NCOA2: variants seen among roughly 807,000 people sequenced by gnomAD.
NCOA2 encodes class E basic helix-loop-helix protein 75.
In NCOA2, 21 loss-of-function variants were observed where a neutral mutation model predicts 145.1. That is an observed-to-expected ratio of 0.14 (90% CI 0.10 to 0.21). The LOEUF is 0.21. Ranked by LOEUF, NCOA2 falls within the 10% of genes least tolerant of loss-of-function variation. NCOA2 has a pLI of 1.00. For synonymous variants in NCOA2, 619 were observed against 637.5 expected (o/e 0.97, Z 0.44); for missense variants, 1,472 against 1,837.6 (o/e 0.80, Z 3.64).
At chr8:70,165,627 T>C (rs976427053) in intron 7 of NCOA2, among the ~76,000 whole-genome samples, 1 of 152,176 alleles carries the variant, frequency 6.6e-6, no homozygotes, top group African/African-American at 2.4e-5. Flanking sequence ...GAATGCTACA[T>C]CAGCACATCT....
intron 2 of NCOA2, chr8:70,273,505 C>T (rs1447927852): frequency 1.5e-6 from 1 of 670,006 alleles, no homozygotes; most frequent in Non-Finnish European, 2.6e-6. Context: ...GTCAGTTCTC[C>T]TTAAAGAAGT....
the NCOA2 span, among the ~76,000 whole-genome samples, chr8:70,420,825 A>G: frequency 6.6e-6 from 1 of 151,996 alleles, no homozygotes; most frequent in Non-Finnish European, 1.5e-5. Context: ...TTGTATTTTT[A>G]GTAGAGACGG....
intron 2 of NCOA2, among the ~76,000 whole-genome samples, chr8:70,285,316 T>C (rs1214898392): frequency 6.6e-6 from 1 of 152,208 alleles, no homozygotes; most frequent in East Asian, 1.9e-4. Context: ...TACTATGTAG[T>C]TAGACAAGGT....
At chr8:70,197,835 AGT>A (rs1491413053) in intron 4 of NCOA2, among the ~76,000 whole-genome samples, 1 of 100,682 alleles carries the variant, frequency 9.9e-6, no homozygotes, top group South Asian at 2.8e-4. Context: ...TTTCTCTAAA[AGT>A]TTTTTTTTTT....
intron 2 of NCOA2, among the ~76,000 whole-genome samples, chr8:70,260,616 T>C (rs917483993): frequency 9.2e-5 from 14 of 152,186 alleles, no homozygotes; most frequent in African/African-American, 3.4e-4. Flanking sequence ...AATTAACTGT[T>C]CAACTTCTAG....
At chr8:70,363,079 T>TAAAACAAAA (rs1387666196) in intron 1 of NCOA2, among the ~76,000 whole-genome samples, 5 of 99,808 alleles carry the variant, frequency 5.0e-5, no homozygotes, top group Non-Finnish European at 8.0e-5. Flanking sequence ...ACTCTGTCTT[T>TAAAACAAAA]AAAAAAAAAA....
At chr8:70,317,012 GT>G (rs1421666545) in intron 1 of NCOA2, among the ~76,000 whole-genome samples, 1 of 152,150 alleles carries the variant, frequency 6.6e-6, no homozygotes, top group East Asian at 1.9e-4. Context: ...CCCCTGGATA[GT>G]TTTGGCTTTT....
chr8:70,184,211 C>G (rs906028467), intron 4 of NCOA2, among the ~76,000 whole-genome samples: 5 of 152,198 alleles, frequency 3.3e-5, no homozygotes, highest in Admixed American at 6.5e-5. Flanking sequence ...AAGGCTTTCT[C>G]TACACCTGAG....
chr8:70,154,160 T>G (rs1476061708), intron 11 of NCOA2, among the ~76,000 whole-genome samples: 1 of 152,192 alleles, frequency 6.6e-6, no homozygotes, highest in Non-Finnish European at 1.5e-5. Flanking sequence ...CTCCATCCAT[T>G]GAAGACACTG....
intron 1 of NCOA2, among the ~76,000 whole-genome samples, chr8:70,316,648 A>C (rs1162221469): frequency 1.3e-5 from 2 of 152,122 alleles, no homozygotes; most frequent in African/African-American, 4.8e-5. Flanking sequence ...TCAAGGTAGG[A>C]GATAGATCCC....
At chr8:70,210,713 C>T (rs1353529096) in intron 4 of NCOA2, among the ~76,000 whole-genome samples, 1 of 151,744 alleles carries the variant, frequency 6.6e-6, no homozygotes, top group East Asian at 1.9e-4. Context: ...GGGAAAGAGC[C>T]CTCCATGCCT....
At chr8:70,167,421 A>G (rs940734020) in intron 6 of NCOA2, among the ~76,000 whole-genome samples, 27 of 152,140 alleles carry the variant, frequency 1.8e-4, no homozygotes, top group African/African-American at 6.0e-4. Context: ...CTGACATATC[A>G]GGTTGCCTCA....
At chr8:70,154,309 G>A (rs1163892047) in intron 11 of NCOA2, among the ~76,000 whole-genome samples, 1 of 152,202 alleles carries the variant, frequency 6.6e-6, no homozygotes, top group Non-Finnish European at 1.5e-5. Flanking sequence ...CATATTCAGG[G>A]ACTAGAGAAA....
chr8:70,133,626 T>C (rs1465986429), intron 15 of NCOA2, among the ~76,000 whole-genome samples: 1 of 152,254 alleles, frequency 6.6e-6, no homozygotes, highest in Admixed American at 6.5e-5. Flanking sequence ...TTAGAGTCAC[T>C]ACATGATGTT....
At chr8:70,299,442 T>A (rs1378017438) in intron 1 of NCOA2, among the ~76,000 whole-genome samples, 2 of 152,190 alleles carry the variant, frequency 1.3e-5, no homozygotes, top group Non-Finnish European at 2.9e-5. Context: ...AATTATTTGA[T>A]AAAGGGCATG....
At chr8:70,455,217 T>C in the NCOA2 span, among the ~76,000 whole-genome samples, 5 of 152,362 alleles carry the variant, frequency 3.3e-5, no homozygotes, top group African/African-American at 1.2e-4. Context: ...AAGCACGTGT[T>C]TGCTACATTC....
chr8:70,302,736 C>G (rs1247406931), intron 1 of NCOA2, among the ~76,000 whole-genome samples: 1 of 152,076 alleles, frequency 6.6e-6, no homozygotes, highest in African/African-American at 2.4e-5. Context: ...TAATAAAAAG[C>G]TTCTGAAAGT....
chr8:70,330,198 G>GATGATGATGATGATGATA (rs1470986895), intron 1 of NCOA2, among the ~76,000 whole-genome samples: 1 of 135,978 alleles, frequency 7.4e-6, no homozygotes, highest in Admixed American at 7.1e-5. Context: ...CTCAATAAAT[G>GATGATGATGATGATGATA]ATGATGATGA....
At chr8:70,215,974 T>TGTTCCAGGTTCTAACA (rs1819586183) in intron 3 of NCOA2, among the ~76,000 whole-genome samples, 1 of 152,244 alleles carries the variant, frequency 6.6e-6, no homozygotes, top group African/African-American at 2.4e-5. Flanking sequence ...AGCTGAACTG[T>TGTTCCAGGTTCTAACA]GTTCCAGGTT....
Sources: gnomAD v4.1 joint callset for allele counts (sites outside exome capture counted in the v4.1 genomes callset) on GRCh38, gnomAD v4.1.1 for gene constraint, MANE v1.5 for transcripts, NCBI Gene and HGNC (gene_info 2026-07-23, HGNC 2026-07-21) for gene names.